The following TOM1L2 variants were observed in gnomAD, a reference collection of about 807,000 sequenced individuals.
The protein encoded by TOM1L2 is TOM1-like protein 2.
In TOM1L2, 31 loss-of-function variants were observed where a neutral mutation model predicts 67.9. The ratio of observed to expected loss-of-function variants is 0.46; its 90% CI spans 0.34 to 0.62. The LOEUF is 0.62. TOM1L2 is among the 20% of genes least tolerant of loss of function. The probability of loss-of-function intolerance (pLI) is 0.01; values close to 1 mark genes in which losing one functional copy is unlikely to be tolerated. For missense variants in TOM1L2, 606 were observed against 663.5 expected (o/e 0.91, Z 0.95); for synonymous variants, 256 against 254.0 (o/e 1.01, Z -0.07).
intron 2 of TOM1L2, among the ~76,000 whole-genome samples, chr17:17,898,974 G>A (rs1289852628): frequency 6.6e-6 from 1 of 152,224 alleles, no homozygotes; most frequent in Non-Finnish European, 1.5e-5. Flanking sequence ...CTTGCTATTA[G>A]TTGAGTTATA....
intron 4 of TOM1L2, among the ~76,000 whole-genome samples, chr17:17,891,932 C>T (rs1309596538): frequency 6.6e-6 from 1 of 152,042 alleles, no homozygotes; most frequent in Non-Finnish European, 1.5e-5. Context: ...TAACTACATT[C>T]ACTCATTCAT....
chr17:17,857,674 C>T, intron 12 of TOM1L2: 7 of 1,136,482 alleles, frequency 6.2e-6, no homozygotes, highest in Non-Finnish European at 8.8e-6. Context: ...GTCTGATTCA[C>T]AAAGGCTCGG....
chr17:17,855,972 A>C (rs898048664), intron 12 of TOM1L2, among the ~76,000 whole-genome samples: 18 of 152,264 alleles, frequency 1.2e-4, no homozygotes, highest in East Asian at 9.6e-4. Flanking sequence ...GAAAAAAAAA[A>C]AAACAAACTG....
chr17:17,886,463 C>T (rs2038005665), intron 4 of TOM1L2, among the ~76,000 whole-genome samples: 1 of 152,250 alleles, frequency 6.6e-6, no homozygotes, highest in Non-Finnish European at 1.5e-5. Flanking sequence ...CCTCTGGCCC[C>T]GCCCCCACCA....
At chr17:17,863,584 A>T (rs1438171098) in intron 10 of TOM1L2, among the ~76,000 whole-genome samples, 2 of 143,190 alleles carry the variant, frequency 1.4e-5, no homozygotes, top group Non-Finnish European at 3.0e-5. Context: ...TTTTTTTTTT[A>T]AAGAGACAGA....
chr17:17,926,114 T>A (rs543871529), intron 1 of TOM1L2, among the ~76,000 whole-genome samples: 1 of 149,538 alleles, frequency 6.7e-6, no homozygotes, highest in Admixed American at 6.7e-5. Context: ...GAGGCCGCAG[T>A]GAGTTGTGAT....
chr17:17,882,600 AC>A, intron 6 of TOM1L2, 104 bp downstream of exon 6: 3 of 1,471,166 alleles, frequency 2.0e-6, no homozygotes, highest in Non-Finnish European at 2.8e-6. Flanking sequence ...TGTGTCCCTA[AC>A]ACCCAGCACA....
intron 6 of TOM1L2, among the ~76,000 whole-genome samples, chr17:17,880,771 T>C (rs952729440): frequency 1.3e-5 from 2 of 152,178 alleles, no homozygotes; most frequent in African/African-American, 4.8e-5. Context: ...GAGTTTCCCA[T>C]GCGGCGCCTG....
intron 1 of TOM1L2, among the ~76,000 whole-genome samples, chr17:17,936,921 G>C (rs1177126036): frequency 6.6e-6 from 1 of 152,154 alleles, no homozygotes; most frequent in Non-Finnish European, 1.5e-5. Context: ...AACAGTCTAA[G>C]TTCAACCTCT....
intron 1 of TOM1L2, among the ~76,000 whole-genome samples, chr17:17,910,266 G>C (rs928696479): frequency 1.3e-5 from 2 of 152,188 alleles, no homozygotes; most frequent in Admixed American, 1.3e-4. Flanking sequence ...GCAGAGCCAG[G>C]ACTACAGCCA....
chr17:17,880,695 T>A (rs2037677202), intron 6 of TOM1L2, among the ~76,000 whole-genome samples: 1 of 152,208 alleles, frequency 6.6e-6, no homozygotes, highest in Admixed American at 6.5e-5. Flanking sequence ...GAGCCGGACC[T>A]GAGCCTCTCT....
chr17:17,890,258 G>A (rs951023573), intron 4 of TOM1L2, among the ~76,000 whole-genome samples: 1 of 152,056 alleles, frequency 6.6e-6, no homozygotes, highest in Non-Finnish European at 1.5e-5. Flanking sequence ...AACATTCTTG[G>A]GTGCTGGTGG....
chr17:17,918,962 C>T (rs918456026), intron 1 of TOM1L2, among the ~76,000 whole-genome samples: 1 of 152,176 alleles, frequency 6.6e-6, no homozygotes, highest in African/African-American at 2.4e-5. Context: ...CCCCAGGTGA[C>T]AGGCACTGGG....
chr17:17,878,563 A>G (rs1323353763), intron 7 of TOM1L2, among the ~76,000 whole-genome samples: 4 of 152,232 alleles, frequency 2.6e-5, no homozygotes, highest in Non-Finnish European at 2.9e-5. Flanking sequence ...TGGGACCAGG[A>G]CAGGGCCTTC....
At position 17,849,652 on chromosome 17, in the gene TOM1L2, G is replaced by A. The variant is rs77260701; in HGVS notation, c.1339-793C>T. On this transcript the variant is annotated intron_variant, in intron 13 of 14. Coordinates refer to ENST00000379504, the MANE Select transcript of TOM1L2 (RefSeq NM_001082968.2). The stretch of plus-strand genomic sequence containing the variant: ...AGCATGTGCAGGGCCTCATTGGGAA[G>A]GGGCAGGATGGGGAAGTGACAAAGC... 1.3e-3 allele frequency among the ~76,000 whole-genome samples: 199 copies of A among 152,316 alleles called. 2 individuals are homozygous for A. In the East Asian group the frequency reaches 0.037, roughly 28 times the overall value.
At chr17:17,884,371 C>T (rs944664975) in intron 5 of TOM1L2, among the ~76,000 whole-genome samples, 5 of 152,140 alleles carry the variant, frequency 3.3e-5, no homozygotes, top group East Asian at 1.9e-4. Context: ...AGGATGGCTC[C>T]GCCCAAGTAG....
intron 1 of TOM1L2, among the ~76,000 whole-genome samples, chr17:17,915,816 T>C (rs2144549486): frequency 6.6e-6 from 1 of 151,116 alleles, no homozygotes; most frequent in South Asian, 2.1e-4. Context: ...GCCACAATGC[T>C]TGGCTCCATT....
intron 1 of TOM1L2, among the ~76,000 whole-genome samples, chr17:17,954,231 T>C (rs541999999): frequency 1.3e-5 from 2 of 151,374 alleles, no homozygotes; most frequent in Non-Finnish European, 2.9e-5. Context: ...GCAAAGTAAG[T>C]AGAGACCTTG....
intron 2 of TOM1L2, among the ~76,000 whole-genome samples, chr17:17,899,302 T>A (rs951739248): frequency 6.6e-6 from 1 of 152,226 alleles, no homozygotes; most frequent in Non-Finnish European, 1.5e-5. Flanking sequence ...CTGAATTCCA[T>A]GGAACTCCTT....
Sources: gnomAD v4.1 joint callset for allele counts (sites outside exome capture counted in the v4.1 genomes callset) on GRCh38, gnomAD v4.1.1 for gene constraint, MANE v1.5 for transcripts, NCBI Gene and HGNC (gene_info 2026-07-23, HGNC 2026-07-21) for gene names.